NWD2: variants seen among roughly 807,000 people sequenced by gnomAD.
NWD2 encodes NACHT and WD repeat domain-containing protein 2.
NWD2 carries 37 observed loss-of-function variants against 132.7 expected under a neutral mutation model. That is an observed-to-expected ratio of 0.28 (90% CI 0.21 to 0.37). The LOEUF (loss-of-function observed/expected upper bound fraction) is 0.37, where lower values mean the gene tolerates loss of function less well. Ranked by LOEUF, NWD2 falls within the 10% of genes least tolerant of loss-of-function variation. NWD2 has a pLI of 1.00. For missense variants in NWD2, 1,592 were observed against 2,122.4 expected (o/e 0.75, Z 4.91); for synonymous variants, 705 against 803.0 (o/e 0.88, Z 2.06).
intron 2 of NWD2, among the ~76,000 whole-genome samples, chr4:37,332,968 T>C (rs1396639869): frequency 1.3e-5 from 2 of 152,110 alleles, no homozygotes; most frequent in East Asian, 3.9e-4. Context: ...TGCTGTGAGC[T>C]TGGGGTAGTG....
At chr4:37,268,934 C>G (rs1393113330) in intron 1 of NWD2, among the ~76,000 whole-genome samples, 2 of 151,876 alleles carry the variant, frequency 1.3e-5, no homozygotes, top group African/African-American at 4.8e-5. Flanking sequence ...GGTTATTTGA[C>G]ACATGGAAAT....
At chr4:37,292,689 T>C (rs1386008338) in intron 1 of NWD2, among the ~76,000 whole-genome samples, 2 of 152,176 alleles carry the variant, frequency 1.3e-5, no homozygotes, top group Admixed American at 1.3e-4. Flanking sequence ...CCCACTGGTT[T>C]CATGGACAAC....
chr4:37,309,597 G>A (rs946316938), intron 1 of NWD2, among the ~76,000 whole-genome samples: 1 of 152,044 alleles, frequency 6.6e-6, no homozygotes, highest in Non-Finnish European at 1.5e-5. Flanking sequence ...GAGAATGGCT[G>A]GGGGGAGGTG....
intron 1 of NWD2, among the ~76,000 whole-genome samples, chr4:37,245,519 C>T (rs930466247): frequency 3.3e-5 from 5 of 151,674 alleles, no homozygotes; most frequent in African/African-American, 7.3e-5. Flanking sequence ...ATTCTGCCGC[C>T]GCCGCCACCA....
chr4:37,251,738 G>C (rs1717364230), intron 1 of NWD2, among the ~76,000 whole-genome samples: 1 of 152,200 alleles, frequency 6.6e-6, no homozygotes, highest in African/African-American at 2.4e-5. Flanking sequence ...GGAACTTCAG[G>C]CTTTCAGCCC....
chr4:37,312,644 T>C (rs1718871330), intron 1 of NWD2, among the ~76,000 whole-genome samples: 1 of 150,884 alleles, frequency 6.6e-6, no homozygotes, highest in South Asian at 2.1e-4. Flanking sequence ...CTAATTGCCC[T>C]GGCCAGAACT....
intron 1 of NWD2, among the ~76,000 whole-genome samples, chr4:37,275,705 C>G (rs1560382780): frequency 6.6e-6 from 1 of 152,120 alleles, no homozygotes; most frequent in Non-Finnish European, 1.5e-5. Context: ...ACCAAAACAG[C>G]ATGGTCCTGG....
chr4:37,296,844 A>T (rs188291272), intron 1 of NWD2, among the ~76,000 whole-genome samples: 2 of 152,294 alleles, frequency 1.3e-5, no homozygotes, highest in Non-Finnish European at 1.5e-5. Flanking sequence ...CTATTAAAAT[A>T]AAAAATTAAC....
At chr4:37,266,371 C>A (rs570241033) in intron 1 of NWD2, among the ~76,000 whole-genome samples, 1 of 152,216 alleles carries the variant, frequency 6.6e-6, no homozygotes, top group South Asian at 2.1e-4. Context: ...CTTCTCCCTG[C>A]ATACATACCA....
At chr4:37,438,460 GA>G (rs1364081424) in intron 5 of NWD2, among the ~76,000 whole-genome samples, 1 of 151,984 alleles carries the variant, frequency 6.6e-6, no homozygotes, top group African/African-American at 2.4e-5. Flanking sequence ...TTCCCTCTTA[GA>G]ACCTCTGAAG....
chr4:37,391,775 G>T (rs530189722), intron 3 of NWD2, among the ~76,000 whole-genome samples: 1 of 152,262 alleles, frequency 6.6e-6, no homozygotes, highest in South Asian at 2.1e-4. Flanking sequence ...GACCCCATCG[G>T]CCCCCACAAG....
At chr4:37,325,022 T>G (rs1439950292) in intron 1 of NWD2, among the ~76,000 whole-genome samples, 4 of 152,190 alleles carry the variant, frequency 2.6e-5, no homozygotes, top group Non-Finnish European at 5.9e-5. Flanking sequence ...AGATTACACA[T>G]TAACCTAATT....
At chr4:37,253,010 C>G (rs534580613) in intron 1 of NWD2, among the ~76,000 whole-genome samples, 85 of 150,582 alleles carry the variant, frequency 5.6e-4, no homozygotes, top group South Asian at 8.6e-4. Flanking sequence ...AACCCCCCCC[C>G]CTTATGTTTT....
intron 3 of NWD2, among the ~76,000 whole-genome samples, chr4:37,373,153 A>G (rs1408311341): frequency 6.6e-6 from 1 of 152,228 alleles, no homozygotes; most frequent in Non-Finnish European, 1.5e-5. Context: ...GTAACCTCAC[A>G]ACAGCACTAA....
At chr4:37,378,260 C>G (rs955649746) in intron 3 of NWD2, among the ~76,000 whole-genome samples, 1 of 116,174 alleles carries the variant, frequency 8.6e-6, no homozygotes, top group Non-Finnish European at 1.8e-5. Flanking sequence ...TTATTCTGCT[C>G]TCCTATATTG....
intron 3 of NWD2, among the ~76,000 whole-genome samples, chr4:37,405,235 C>T (rs1720973700): frequency 6.6e-6 from 1 of 152,092 alleles, no homozygotes; most frequent in South Asian, 2.1e-4. Context: ...AGATCAGGGG[C>T]ACTTGCCTGC....
At chr4:37,261,936 A>G (rs1717645476) in intron 1 of NWD2, among the ~76,000 whole-genome samples, 1 of 152,222 alleles carries the variant, frequency 6.6e-6, no homozygotes, top group Non-Finnish European at 1.5e-5. Flanking sequence ...ACCCAAAGAA[A>G]CATCAAGTGC....
chr4:37,437,860 G>A (rs1010463053), intron 5 of NWD2, among the ~76,000 whole-genome samples: 3 of 152,150 alleles, frequency 2.0e-5, no homozygotes, highest in African/African-American at 7.2e-5. Context: ...AAGAAATGAA[G>A]TTATATACTA....
At chr4:37,253,068 C>G (rs1344388395) in intron 1 of NWD2, among the ~76,000 whole-genome samples, 1 of 149,248 alleles carries the variant, frequency 6.7e-6, no homozygotes, top group Non-Finnish European at 1.5e-5. Context: ...TGTGAGATAA[C>G]AAGAGCATAA....
Sources: gnomAD v4.1 joint callset for allele counts (sites outside exome capture counted in the v4.1 genomes callset) on GRCh38, gnomAD v4.1.1 for gene constraint, MANE v1.5 for transcripts, NCBI Gene and HGNC (gene_info 2026-07-23, HGNC 2026-07-21) for gene names.